The following PIK3C2G variants were observed in gnomAD, a reference collection of about 807,000 sequenced individuals.
PIK3C2G encodes the protein phosphatidylinositol 3-kinase C2 domain-containing subunit gamma.
PIK3C2G carries 168 observed loss-of-function variants against 181.1 expected under a neutral mutation model. That is an observed-to-expected ratio of 0.93 (90% CI 0.82 to 1.05). PIK3C2G has a LOEUF of 1.05. Among genes scored for constraint, PIK3C2G ranks in the 50% least tolerant of loss-of-function variants. The pLI is 0.00. For synonymous variants in PIK3C2G, 573 were observed against 592.2 expected (o/e 0.97, Z 0.47); for missense variants, 1,869 against 1,732.8 (o/e 1.08, Z -1.40).
At chr12:18,256,637 C>T (rs1948148779), upstream of PIK3C2G, among the ~76,000 whole-genome samples, 1 of 152,102 alleles carries the variant, frequency 6.6e-6, no homozygotes, top group African/African-American at 2.4e-5. Context: ...GCACAAGAAT[C>T]TTCCTCAGCA....
intron 24 of PIK3C2G, among the ~76,000 whole-genome samples, chr12:18,509,838 A>G (rs982984704): frequency 6.6e-6 from 1 of 152,252 alleles, no homozygotes; most frequent in Admixed American, 6.5e-5. Context: ...CCATCAGATT[A>G]AATCAAAGAA....
the PIK3C2G span, among the ~76,000 whole-genome samples, chr12:18,710,226 T>C: frequency 6.7e-6 from 1 of 149,968 alleles, no homozygotes; most frequent in Non-Finnish European, 1.5e-5. Context: ...AGGCTTTTCA[T>C]CCTTGCAAGG....
intron 1 of PIK3C2G, among the ~76,000 whole-genome samples, chr12:18,278,484 TC>T (rs769223711): frequency 6.6e-6 from 1 of 152,194 alleles, no homozygotes; most frequent in Non-Finnish European, 1.5e-5. Flanking sequence ...CTTAATTTCA[TC>T]TGCAGCCTTA....
intron 26 of PIK3C2G, among the ~76,000 whole-genome samples, chr12:18,558,868 C>T (rs1352174473): frequency 6.6e-6 from 1 of 152,106 alleles, no homozygotes; most frequent in East Asian, 1.9e-4. Context: ...TATATTTTTA[C>T]TTGATTAATT....
chr12:18,433,896 G>T (rs1201603902), intron 18 of PIK3C2G, among the ~76,000 whole-genome samples: 1 of 152,194 alleles, frequency 6.6e-6, no homozygotes, highest in African/African-American at 2.4e-5. Context: ...ACAGGGAAAA[G>T]ATCTGGGATG....
chr12:18,608,579 A>G (rs1414905052), intron 30 of PIK3C2G, among the ~76,000 whole-genome samples: 6 of 145,054 alleles, frequency 4.1e-5, no homozygotes, highest in African/African-American at 1.3e-4. Flanking sequence ...AGGGGGGAGG[A>G]ATAGCATTAG....
At chr12:18,281,949 C>T (rs987908467) in intron 1 of PIK3C2G, 55 bp from the exon 2 acceptor site, 9 of 629,112 alleles carry the variant, frequency 1.4e-5, no homozygotes, top group Non-Finnish European at 2.5e-5. Context: ...ATCTGTCTTA[C>T]AAGCTCTTTT....
the PIK3C2G span, chr12:18,719,454 T>A: frequency 6.5e-7 from 1 of 1,539,188 alleles, no homozygotes; most frequent in East Asian, 2.3e-5. Context: ...AAAGGTCACT[T>A]GGTCCCAATA....
chr12:18,710,691 A>G, the PIK3C2G span, among the ~76,000 whole-genome samples: 11 of 152,166 alleles, frequency 7.2e-5, no homozygotes, highest in Non-Finnish European at 1.5e-4. Context: ...GACAGTAAAA[A>G]TGGGCAGAGA....
At chr12:18,442,843 T>C (rs1592271028) in intron 18 of PIK3C2G, among the ~76,000 whole-genome samples, 1 of 152,246 alleles carries the variant, frequency 6.6e-6, no homozygotes, top group Non-Finnish European at 1.5e-5. Context: ...TCATTCGGTC[T>C]ACAAGTTCCT....
intron 32 of PIK3C2G, among the ~76,000 whole-genome samples, chr12:18,642,026 G>A (rs767085332): frequency 5.3e-5 from 8 of 152,156 alleles, no homozygotes; most frequent in Admixed American, 2.6e-4. Context: ...TGGGATTACA[G>A]GCGTGAGCCA....
At chr12:18,457,445 A>G (rs1170533302) in intron 18 of PIK3C2G, among the ~76,000 whole-genome samples, 1 of 152,114 alleles carries the variant, frequency 6.6e-6, no homozygotes, top group Non-Finnish European at 1.5e-5. Context: ...AATATAGCCC[A>G]TTCTTAGTGC....
At chr12:18,573,968 T>G (rs1946105904) in intron 29 of PIK3C2G, among the ~76,000 whole-genome samples, 1 of 152,136 alleles carries the variant, frequency 6.6e-6, no homozygotes. Flanking sequence ...ATCTCACATG[T>G]GGATCAAAAA....
intron 18 of PIK3C2G, among the ~76,000 whole-genome samples, chr12:18,478,611 C>T (rs1424138492): frequency 6.6e-6 from 1 of 152,134 alleles, no homozygotes; most frequent in Non-Finnish European, 1.5e-5. Flanking sequence ...CAGAATAGAT[C>T]CCACAATTCT....
At chr12:18,305,715 T>C (rs767639413) in intron 5 of PIK3C2G, among the ~76,000 whole-genome samples, 5 of 152,094 alleles carry the variant, frequency 3.3e-5, no homozygotes, top group Non-Finnish European at 7.4e-5. Context: ...TTGTTTTTTA[T>C]TTGTAAAGTC....
At chr12:18,294,433 C>T (rs1371140864) in intron 5 of PIK3C2G, among the ~76,000 whole-genome samples, 1 of 151,910 alleles carries the variant, frequency 6.6e-6, no homozygotes, top group Non-Finnish European at 1.5e-5. Flanking sequence ...TAGAATAATA[C>T]TTGCATGTTG....
chr12:18,652,960 T>C (rs1337709662), downstream of PIK3C2G, among the ~76,000 whole-genome samples: 1 of 151,934 alleles, frequency 6.6e-6, no homozygotes, highest in East Asian at 1.9e-4. Flanking sequence ...AGAGAGAGAC[T>C]GATTTTAGGC....
chr12:18,270,980 A>AT (rs942063350), intron 1 of PIK3C2G, among the ~76,000 whole-genome samples: 15 of 151,908 alleles, frequency 9.9e-5, no homozygotes, highest in African/African-American at 3.4e-4. Flanking sequence ...TGTTTTGCTG[A>AT]TTTTTTTAGG....
the PIK3C2G span, among the ~76,000 whole-genome samples, chr12:18,700,723 C>A: frequency 6.6e-6 from 1 of 152,048 alleles, no homozygotes; most frequent in African/African-American, 2.4e-5. Context: ...ATCCCTTTCA[C>A]TGAACTTTTC....
Sources: gnomAD v4.1 joint callset for allele counts (sites outside exome capture counted in the v4.1 genomes callset) on GRCh38, gnomAD v4.1.1 for gene constraint, MANE v1.5 for transcripts, NCBI Gene and HGNC (gene_info 2026-07-23, HGNC 2026-07-21) for gene names.